The following SORCS3 variants were observed in gnomAD, a reference collection of about 807,000 sequenced individuals.
The protein encoded by SORCS3 is VPS10 domain-containing receptor SorCS3.
In SORCS3, 57 loss-of-function variants were observed where a neutral mutation model predicts 146.3. The observed-to-expected ratio is 0.39, with a 90% confidence interval of 0.31 to 0.49. SORCS3 has a LOEUF of 0.49. Ranked by LOEUF, SORCS3 falls within the 20% of genes least tolerant of loss-of-function variation. SORCS3 has a pLI of 0.92. For synonymous variants in SORCS3, 653 were observed against 618.5 expected, an observed-to-expected ratio of 1.06 and a Z score of -0.83; for missense variants, 1,341 against 1,575.5, an observed-to-expected ratio of 0.85 and a Z score of 2.52.
intron 1 of SORCS3, among the ~76,000 whole-genome samples, chr10:104,652,066 T>C (rs61861247): frequency 0.27 from 39,665 of 146,478 alleles, 5,503 homozygotes; most frequent in Middle Eastern, 0.4. Flanking sequence ...TAAATGTGTG[T>C]GTGTGTGTGT....
intron 2 of SORCS3, among the ~76,000 whole-genome samples, chr10:104,881,104 A>G (rs1386268192): frequency 4.6e-5 from 7 of 152,332 alleles, no homozygotes; most frequent in Middle Eastern, 3.4e-3. Context: ...CCCCGATAAC[A>G]TCAGGAAACC....
intron 1 of SORCS3, among the ~76,000 whole-genome samples, chr10:104,813,444 A>G (rs1589508612): frequency 6.6e-6 from 1 of 152,216 alleles, no homozygotes; most frequent in East Asian, 1.9e-4. Flanking sequence ...TGTTTTATGT[A>G]CTAATATACT....
chr10:105,062,411 C>T (rs984298520), intron 5 of SORCS3, among the ~76,000 whole-genome samples: 9 of 152,126 alleles, frequency 5.9e-5, no homozygotes, highest in East Asian at 3.9e-4. Flanking sequence ...TGGTGTTATA[C>T]GAATCAGAAA....
chr10:104,660,856 C>T (rs1358152386), intron 1 of SORCS3, among the ~76,000 whole-genome samples: 1 of 152,204 alleles, frequency 6.6e-6, no homozygotes, highest in Non-Finnish European at 1.5e-5. Context: ...AAAAAGCTCC[C>T]ATGAGAGGAG....
intron 2 of SORCS3, among the ~76,000 whole-genome samples, chr10:104,906,408 G>T (rs1351579987): frequency 6.6e-6 from 1 of 152,186 alleles, no homozygotes; most frequent in East Asian, 1.9e-4. Context: ...TCCACTGGGG[G>T]TTATGTAGCT....
At chr10:104,843,241 C>T (rs773636953) in intron 2 of SORCS3, among the ~76,000 whole-genome samples, 1 of 152,116 alleles carries the variant, frequency 6.6e-6, no homozygotes, top group Non-Finnish European at 1.5e-5. Flanking sequence ...GGACTGCCTC[C>T]AGCCCTTTGC....
intron 11 of SORCS3, among the ~76,000 whole-genome samples, chr10:105,163,152 T>G (rs1188380632): frequency 6.6e-6 from 1 of 152,072 alleles, no homozygotes; most frequent in Non-Finnish European, 1.5e-5. Context: ...AAATCTTGAG[T>G]CTCAAAACAA....
chr10:104,902,762 T>G (rs922851264), intron 2 of SORCS3, among the ~76,000 whole-genome samples: 1 of 152,240 alleles, frequency 6.6e-6, no homozygotes, highest in Non-Finnish European at 1.5e-5. Flanking sequence ...GTTTTCTCAC[T>G]GAATCCTCCT....
intron 1 of SORCS3, among the ~76,000 whole-genome samples, chr10:104,695,692 A>G (rs1353194199): frequency 6.6e-6 from 1 of 151,752 alleles, no homozygotes; most frequent in Non-Finnish European, 1.5e-5. Flanking sequence ...TTGAAAATAA[A>G]TGGGTTCCAT....
chr10:104,988,538 G>A (rs1484554722), intron 4 of SORCS3, among the ~76,000 whole-genome samples: 3 of 152,034 alleles, frequency 2.0e-5, no homozygotes, highest in African/African-American at 4.8e-5. Context: ...AGTTTTGTTC[G>A]CTTTTCCCAT....
chr10:104,698,009 A>T (rs1019924542), intron 1 of SORCS3, among the ~76,000 whole-genome samples: 2 of 152,154 alleles, frequency 1.3e-5, no homozygotes, highest in African/African-American at 4.8e-5. Context: ...TCAAAGAGTG[A>T]CTTTTAAGTT....
chr10:104,733,999 C>G (rs1040753584), intron 1 of SORCS3, among the ~76,000 whole-genome samples: 6 of 152,052 alleles, frequency 3.9e-5, no homozygotes, highest in Non-Finnish European at 8.8e-5. Flanking sequence ...AGCAATCTGC[C>G]CTCATGCAAT....
At chr10:105,153,634 A>AGTGTGT (rs1239631670) in intron 9 of SORCS3, among the ~76,000 whole-genome samples, 2 of 129,714 alleles carry the variant, frequency 1.5e-5, no homozygotes, top group Non-Finnish European at 1.6e-5. Context: ...AGAGAGAGAG[A>AGTGTGT]GTGTGTGTGT....
At chr10:105,127,079 C>T (rs991436239) in intron 7 of SORCS3, among the ~76,000 whole-genome samples, 1 of 151,990 alleles carries the variant, frequency 6.6e-6, no homozygotes, top group South Asian at 2.1e-4. Context: ...GAATGGTGGC[C>T]GGTATCCATA....
intron 9 of SORCS3, among the ~76,000 whole-genome samples, chr10:105,150,547 A>G (rs545038376): frequency 1.3e-5 from 2 of 152,282 alleles, no homozygotes; most frequent in African/African-American, 4.8e-5. Context: ...TTCCAAACGT[A>G]GGAATGGAAT....
intron 1 of SORCS3, among the ~76,000 whole-genome samples, chr10:104,675,166 A>G (rs1192995164): frequency 6.6e-6 from 1 of 152,204 alleles, no homozygotes; most frequent in Non-Finnish European, 1.5e-5. Flanking sequence ...TCTGTTGGGT[A>G]TGGTGATAAA....
rs557668826 is a variant in SORCS3 at position 104,805,788 on chromosome 10, G to T, written c.628-37004G>T. Among the ~76,000 whole-genome samples, 4 of 152,218 alleles carry T rather than the reference G, an allele frequency of 2.6e-5. No individual in the cohort carries two copies. The South Asian group carries it at 8.3e-4, about 32-fold the overall frequency. On this transcript the variant is annotated intron_variant, in intron 1 of 26. Coordinates refer to ENST00000369701, the MANE Select transcript of SORCS3 (RefSeq NM_014978.3). ...TCTCATGTTCTTCATGCTTCAGTTT[G>T]TGGTTCCAGGTTTCCTCTCTTCATA...
At chr10:104,684,811 TTTTTTTTTTTTTTTTTTTTTTTA>T in intron 1 of SORCS3, among the ~76,000 whole-genome samples, 2 of 49,442 alleles carry the variant, frequency 4.0e-5, no homozygotes, top group African/African-American at 9.9e-5. Context: ...TTTTTTTTTT[TTTTTTTTTTTTTTTTTTTTTTTA>T]TGAGACACAG....
At chr10:105,025,837 AACACACAC>A (rs57597161) in intron 4 of SORCS3, among the ~76,000 whole-genome samples, 1,402 of 135,498 alleles carry the variant, frequency 0.01, 29 homozygotes, top group African/African-American at 0.035. Flanking sequence ...TGTCTTCTCA[AACACACAC>A]ACACACACAC....
Sources: allele counts gnomAD v4.1 joint callset (sites outside exome capture counted in the v4.1 genomes callset), GRCh38; gene constraint gnomAD v4.1.1; transcripts MANE v1.5; gene names NCBI Gene and HGNC (gene_info 2026-07-23, HGNC 2026-07-21).